Variants in ZNF804A observed in about 807,000 individuals in gnomAD.
ZNF804A encodes zinc finger protein 804A.
In ZNF804A, 2 loss-of-function variants were observed where a neutral mutation model predicts 16.5. The observed-to-expected ratio is 0.12, with a 90% confidence interval of 0.05 to 0.38. The LOEUF (loss-of-function observed/expected upper bound fraction) is 0.38. Ranked by LOEUF, ZNF804A falls within the 10% of genes least tolerant of loss-of-function variation. The pLI is 0.99. For missense variants in ZNF804A, 1,473 were observed against 1,390.7 expected, an observed-to-expected ratio of 1.06 and a Z score of -0.94; for synonymous variants, 534 against 489.6, an observed-to-expected ratio of 1.09 and a Z score of -1.20.
Position 184,819,018 on chromosome 2 carries a change from G to A in ZNF804A, c.112-47351G>A, listed in dbSNP as rs115399381. Among the ~76,000 whole-genome samples, 1,397 of 151,606 alleles carry A rather than the reference G, an allele frequency of 9.2e-3. 23 individuals carry two copies. Among genetic ancestry groups the A allele is most frequent in the African/African-American group, 0.032 (1,322 of 41,446 alleles). ...CAGATCATTGAGACAGAAAATTAAC[G>A]AAGATATTAAGGACCTCAACTTCAA... On this transcript the variant is annotated intron_variant, in intron 1 of 3. Coordinates refer to ENST00000302277, the MANE Select transcript of ZNF804A (RefSeq NM_194250.2).
At chr2:184,834,113 A>T (rs1448782083) in intron 1 of ZNF804A, among the ~76,000 whole-genome samples, 1 of 151,980 alleles carries the variant, frequency 6.6e-6, no homozygotes, top group Non-Finnish European at 1.5e-5. Flanking sequence ...TCATTTAGTA[A>T]TTTGCATTAT....
chr2:184,644,835 T>A (rs150193843), intron 1 of ZNF804A, among the ~76,000 whole-genome samples: 145 of 152,188 alleles, frequency 9.5e-4, no homozygotes, highest in African/African-American at 2.8e-3. Context: ...ATATTTTTCT[T>A]TTATTTTTTA....
intron 1 of ZNF804A, among the ~76,000 whole-genome samples, chr2:184,756,175 A>AT (rs766643920): frequency 5.3e-5 from 8 of 151,550 alleles, no homozygotes; most frequent in Admixed American, 2.0e-4. Context: ...TTTATATTGT[A>AT]TTTTTTTTCT....
Position 184,925,481 on chromosome 2 carries a change from A to T in ZNF804A, c.256-8122A>T, listed in dbSNP as rs564330416. Among the ~76,000 whole-genome samples, 29 of 151,752 alleles carry T rather than the reference A, an allele frequency of 1.9e-4. No individual in the cohort carries two copies. In the South Asian group the frequency reaches 3.5e-3, roughly 19 times the overall value. ...AGATTATTGGATCTCGGGTTTTTTTAAAAAAATTAATTTAGCCATTCTGTC... is the reference window on the plus strand; with the variant it reads ...AGATTATTGGATCTCGGGTTTTTTTTAAAAAATTAATTTAGCCATTCTGTC... On this transcript the variant is annotated intron_variant, in intron 2 of 3. Coordinates refer to ENST00000302277, the MANE Select transcript of ZNF804A (RefSeq NM_194250.2).
intron 1 of ZNF804A, among the ~76,000 whole-genome samples, chr2:184,853,000 A>G (rs1695629412): frequency 1.3e-5 from 2 of 151,780 alleles, no homozygotes. Flanking sequence ...ATTGTATAAT[A>G]GAGGTGCCAT....
At chr2:184,713,604 A>G (rs1693166940) in intron 1 of ZNF804A, among the ~76,000 whole-genome samples, 1 of 152,002 alleles carries the variant, frequency 6.6e-6, no homozygotes, top group African/African-American at 2.4e-5. Flanking sequence ...ATATACCAAC[A>G]TGTACAGAAC....
intron 1 of ZNF804A, among the ~76,000 whole-genome samples, chr2:184,609,747 A>G (rs1023256284): frequency 6.6e-6 from 1 of 152,230 alleles, no homozygotes; most frequent in Non-Finnish European, 1.5e-5. Context: ...TCGTGACCCG[A>G]TTATCTCCCA....
chr2:184,799,719 T>G (rs534414342), intron 1 of ZNF804A, among the ~76,000 whole-genome samples: 2 of 152,218 alleles, frequency 1.3e-5, no homozygotes, highest in East Asian at 3.9e-4. Flanking sequence ...TCTTTTTTTG[T>G]ATGTGTAGAG....
At chr2:184,668,401 TAAC>T (rs977713699) in intron 1 of ZNF804A, among the ~76,000 whole-genome samples, 2 of 151,934 alleles carry the variant, frequency 1.3e-5, no homozygotes, top group African/African-American at 4.8e-5. Context: ...TAAAATATAA[TAAC>T]CTGCTAATTT....
intron 1 of ZNF804A, among the ~76,000 whole-genome samples, chr2:184,610,620 T>C (rs1691221286): frequency 6.6e-6 from 1 of 152,092 alleles, no homozygotes; most frequent in South Asian, 2.1e-4. Context: ...CAAGAAAGTA[T>C]CAATGGAAAT....
chr2:184,898,343 A>G (rs944483246), intron 2 of ZNF804A, among the ~76,000 whole-genome samples: 3 of 152,102 alleles, frequency 2.0e-5, no homozygotes, highest in African/African-American at 7.2e-5. Context: ...TGAAGAAAAG[A>G]GTGTTTTTAC....
In ZNF804A at chr2:184,926,041, CTGTTACAG is replaced by C. The variant is rs368497191; in HGVS notation, c.256-7546_256-7539del. Among the ~76,000 whole-genome samples, 941 of 152,136 alleles carry C rather than the reference CTGTTACAG, an allele frequency of 6.2e-3. 8 individuals carry two copies. Among genetic ancestry groups the C allele is most frequent in the Middle Eastern group, 0.058 (17 of 292 alleles). On this transcript the variant is annotated intron_variant, in intron 2 of 3. Transcript: ENST00000302277. ...CTATTTAAGAGTAGTTTATACACCA[CTGTTACAG>C]TGTTACAGTGTTACATGTTTTTCTG...
chr2:184,812,445 T>C (rs958947059), intron 1 of ZNF804A, among the ~76,000 whole-genome samples: 10 of 152,068 alleles, frequency 6.6e-5, no homozygotes, highest in Admixed American at 1.3e-4. Flanking sequence ...AAAAACACAA[T>C]GGAATAAAGA....
Position 184,917,683 on chromosome 2 carries a change from G to A in ZNF804A, c.256-15920G>A, listed in dbSNP as rs370229365. Among the ~76,000 whole-genome samples, 158 of 151,782 alleles carry A rather than the reference G, an allele frequency of 1.0e-3. 1 individual carries two copies. Among genetic ancestry groups the A allele is most frequent in the Non-Finnish European group, 1.5e-3 (102 of 67,922 alleles). On this transcript the variant is annotated intron_variant, in intron 2 of 3. Coordinates refer to ENST00000302277, the MANE Select transcript of ZNF804A (RefSeq NM_194250.2). Reference sequence around the variant, plus strand: ...TAAACTATCATAGGTGTGTGTGTGTGTATATATATAGGAAAATACAGTAAA... The same window carrying A: ...TAAACTATCATAGGTGTGTGTGTGTATATATATATAGGAAAATACAGTAAA...
intron 1 of ZNF804A, among the ~76,000 whole-genome samples, chr2:184,624,081 G>A (rs544894499): frequency 1.3e-5 from 2 of 152,206 alleles, no homozygotes; most frequent in African/African-American, 4.8e-5. Flanking sequence ...TGATTGACAA[G>A]GATAGTTAAA....
At chr2:184,675,083 T>C (rs139274775) in intron 1 of ZNF804A, among the ~76,000 whole-genome samples, 93 of 151,928 alleles carry the variant, frequency 6.1e-4, no homozygotes, top group African/African-American at 2.2e-3. Flanking sequence ...TGTATGTATT[T>C]ATGTAAGTAT....
intron 1 of ZNF804A, among the ~76,000 whole-genome samples, chr2:184,704,569 GA>G (rs1024593340): frequency 6.6e-5 from 10 of 152,090 alleles, no homozygotes; most frequent in African/African-American, 2.4e-4. Flanking sequence ...GAAGATTAGT[GA>G]AAAAATAAAT....
At chr2:184,911,618 T>C (rs6757288) in intron 2 of ZNF804A, among the ~76,000 whole-genome samples, 91,361 of 151,662 alleles carry the variant, frequency 0.6, 27,882 homozygotes, top group East Asian at 0.84. Flanking sequence ...GGAATTTTTT[T>C]TTATTTGTTT....
rs541643350 is a variant in ZNF804A at position 184,653,924 on chromosome 2, A to G, written c.111+54854A>G. Among the ~76,000 whole-genome samples the G allele has an allele frequency of 2.0e-5, 3 of 152,334 alleles. No individual in the cohort carries two copies. In the East Asian group the frequency reaches 5.8e-4, roughly 29 times the overall value. The stretch of plus-strand genomic sequence containing the variant: ...GTCTCCCTGGTGCTGGCTGCGACCA[A>G]TGATCATTTTAGAGAACCAGTGTGG... On this transcript the variant is annotated intron_variant, in intron 1 of 3. Coordinates refer to ENST00000302277, the MANE Select transcript of ZNF804A (RefSeq NM_194250.2).
Sources: gnomAD v4.1 joint callset for allele counts (sites outside exome capture counted in the v4.1 genomes callset) on GRCh38, gnomAD v4.1.1 for gene constraint, MANE v1.5 for transcripts, NCBI Gene and HGNC (gene_info 2026-07-23, HGNC 2026-07-21) for gene names.